Variants in FRMD3 observed in about 807,000 individuals in gnomAD.
FRMD3 encodes FERM domain-containing protein 3.
FRMD3 carries 33 observed loss-of-function variants against 70.2 expected under a neutral mutation model. The observed-to-expected ratio is 0.47, with a 90% CI of 0.36 to 0.63. FRMD3 has a LOEUF of 0.63. FRMD3 is among the 20% of genes least tolerant of loss of function. The probability of loss-of-function intolerance (pLI) is 0.00; values close to 1 mark genes in which losing one functional copy is unlikely to be tolerated. For missense variants in FRMD3, 632 were observed against 711.4 expected (o/e 0.89, Z 1.27); for synonymous variants, 279 against 255.9 (o/e 1.09, Z -0.86).
chr9:83,539,966 A>T (rs903137176), upstream of FRMD3, among the ~76,000 whole-genome samples: 2 of 152,180 alleles, frequency 1.3e-5, no homozygotes, highest in Admixed American at 6.5e-5. Context: ...TATTGAGGGT[A>T]TGGGAAGATG....
chr9:83,515,979 T>C (rs968865420), intron 1 of FRMD3, among the ~76,000 whole-genome samples: 11 of 151,912 alleles, frequency 7.2e-5, no homozygotes, highest in Non-Finnish European at 1.2e-4. Context: ...GCACTAACTA[T>C]GGGAAGGAAA....
chr9:83,487,998 G>A (rs1025037403), intron 1 of FRMD3, among the ~76,000 whole-genome samples: 5 of 152,074 alleles, frequency 3.3e-5, no homozygotes, highest in African/African-American at 1.2e-4. Context: ...AAGACTACAC[G>A]TTTACCAATT....
intron 13 of FRMD3, among the ~76,000 whole-genome samples, chr9:83,266,325 C>A (rs1379996841): frequency 1.3e-5 from 2 of 152,166 alleles, no homozygotes; most frequent in African/African-American, 4.8e-5. Context: ...CACACATGTG[C>A]ATGAGATATA....
intron 2 of FRMD3, among the ~76,000 whole-genome samples, chr9:83,381,222 G>C (rs115016322): frequency 2.0e-5 from 3 of 152,098 alleles, no homozygotes; most frequent in Admixed American, 2.0e-4. Context: ...TGTAGATCAC[G>C]AACGCTCAAA....
chr9:83,344,348 A>AC (rs1270332466), intron 4 of FRMD3, among the ~76,000 whole-genome samples: 1 of 84,274 alleles, frequency 1.2e-5, no homozygotes, highest in African/African-American at 5.1e-5. Context: ...CCCAGTTATC[A>AC]CCTTGTGAGG....
At chr9:83,482,031 T>C (rs949104157) in intron 1 of FRMD3, among the ~76,000 whole-genome samples, 1 of 150,680 alleles carries the variant, frequency 6.6e-6, no homozygotes, top group East Asian at 1.9e-4. Context: ...CCTAACAAAT[T>C]AGACATAAAA....
chr9:83,469,614 T>C (rs1828217111), intron 1 of FRMD3, among the ~76,000 whole-genome samples: 1 of 152,166 alleles, frequency 6.6e-6, no homozygotes, highest in African/African-American at 2.4e-5. Context: ...TTGATAAGGA[T>C]GTATGAACCA....
chr9:83,365,033 C>T (rs1366981305), intron 3 of FRMD3, among the ~76,000 whole-genome samples: 1 of 152,130 alleles, frequency 6.6e-6, no homozygotes, highest in Non-Finnish European at 1.5e-5. Flanking sequence ...ATATGTGTCT[C>T]TTACTATGTC....
chr9:83,461,117 T>G (rs1209510742), intron 1 of FRMD3, among the ~76,000 whole-genome samples: 1 of 152,164 alleles, frequency 6.6e-6, no homozygotes, highest in Non-Finnish European at 1.5e-5. Context: ...GAAGGAAAGT[T>G]GCAGCTGGGA....
chr9:83,326,859 T>C (rs979796485), intron 6 of FRMD3, among the ~76,000 whole-genome samples: 5 of 152,236 alleles, frequency 3.3e-5, no homozygotes, highest in African/African-American at 9.6e-5. Context: ...TTTTCTAATA[T>C]ATTAGATGAG....
intron 3 of FRMD3, among the ~76,000 whole-genome samples, chr9:83,369,426 A>C (rs2131248315): frequency 6.6e-6 from 1 of 152,036 alleles, no homozygotes; most frequent in East Asian, 2.0e-4. Context: ...AAATACAAAA[A>C]TTAGCTGGGT....
chr9:83,261,100 T>TACACACACACACAC (rs1402795499), intron 13 of FRMD3, among the ~76,000 whole-genome samples: 34 of 27,054 alleles, frequency 1.3e-3, no homozygotes, highest in African/African-American at 3.1e-3. Context: ...AAAGGAAACT[T>TACACACACACACAC]AGACACACAC....
rs183292836 is a variant in FRMD3 at position 83,476,158 on chromosome 9, C to T, written c.147+61927G>A. Among the ~76,000 whole-genome samples, 864 of 152,188 alleles carry T rather than the reference C, an allele frequency of 5.7e-3. 7 individuals carry two copies. Among genetic ancestry groups the T allele is most frequent in the African/African-American group, 0.019 (808 of 41,518 alleles). On this transcript the variant is annotated intron_variant, in intron 1 of 13. Transcript: ENST00000304195. ...CAGCACTTTGGGAGGCCAAGGCAGG[C>T]GGGTCACCTGAGGTCAGGATTTTGA... is the stretch of plus-strand genomic sequence containing the variant.
chr9:83,486,237 C>T (rs1283490464), intron 1 of FRMD3, among the ~76,000 whole-genome samples: 8 of 152,150 alleles, frequency 5.3e-5, no homozygotes, highest in Admixed American at 3.9e-4. Context: ...TTTGCCTACT[C>T]ATGATGCTGA....
At chr9:83,426,880 G>A (rs930095501) in intron 1 of FRMD3, among the ~76,000 whole-genome samples, 11 of 152,190 alleles carry the variant, frequency 7.2e-5, no homozygotes, top group Non-Finnish European at 1.2e-4. Flanking sequence ...GACAAGCTTC[G>A]GTTTGGAGGG....
intron 1 of FRMD3, among the ~76,000 whole-genome samples, chr9:83,446,385 C>A (rs535386398): frequency 2.0e-5 from 3 of 152,140 alleles, no homozygotes; most frequent in South Asian, 2.1e-4. Flanking sequence ...CGGTGGCTCA[C>A]GCATGTAATC....
At chr9:83,455,686 A>AC (rs1365379121) in intron 1 of FRMD3, among the ~76,000 whole-genome samples, 1 of 152,178 alleles carries the variant, frequency 6.6e-6, no homozygotes, top group East Asian at 1.9e-4. Context: ...GTTTTTAAAA[A>AC]CTTACCTAAT....
chr9:83,460,938 A>C (rs1827951964), intron 1 of FRMD3, among the ~76,000 whole-genome samples: 1 of 151,820 alleles, frequency 6.6e-6, no homozygotes, highest in African/African-American at 2.4e-5. Flanking sequence ...AGGAGGCAGC[A>C]GGAAAAAAAA....
intron 13 of FRMD3, among the ~76,000 whole-genome samples, chr9:83,275,660 AT>A (rs1413837649): frequency 1.3e-5 from 2 of 152,180 alleles, no homozygotes; most frequent in East Asian, 3.9e-4. Context: ...CAGTAAGATA[AT>A]TGTCCATCTC....
Sources: allele counts gnomAD v4.1 joint callset (sites outside exome capture counted in the v4.1 genomes callset), GRCh38; gene constraint gnomAD v4.1.1; transcripts MANE v1.5; gene names NCBI Gene and HGNC (gene_info 2026-07-23, HGNC 2026-07-21).